The following ARID2 variants were observed in gnomAD, a reference collection of about 807,000 sequenced individuals.
ARID2 encodes the protein AT-rich interactive domain-containing protein 2.
In ARID2, 32 loss-of-function variants were observed where a neutral mutation model predicts 184.6. That is an observed-to-expected ratio of 0.17 (90% CI 0.13 to 0.23). The LOEUF (loss-of-function observed/expected upper bound fraction) is 0.23, where lower values mean the gene tolerates loss of function less well. Among genes scored for constraint, ARID2 ranks in the 10% least tolerant of loss-of-function variants. ARID2 has a pLI of 1.00. For synonymous variants in ARID2, 836 were observed against 772.6 expected (o/e 1.08, Z -1.36); for missense variants, 1,696 against 2,197.6 (o/e 0.77, Z 4.56).
In ARID2 at chr12:45,907,826, G is replaced by A. The variant is rs1944550453; in HGVS notation, c.*2748G>A. On this transcript the variant is annotated 3_prime_UTR_variant, in exon 21 of 21. Coordinates refer to ENST00000334344, the MANE Select transcript of ARID2 (RefSeq NM_152641.4). ...ATTCTGTGTTATATATGTGCCTAGT[G>A]CTCTGTTGGCACTCAATAAATTTTA... 4.3e-6 allele frequency: 1 copy of A among 231,902 alleles called. No homozygotes were observed. The highest frequency in any genetic ancestry group is 8.5e-6 in the Non-Finnish European group (1 of 117,176). 14.4% of individuals were successfully genotyped at this position (231,902 alleles called of 1,614,324 possible).
At chr12:45,799,974 C>T (rs1046190424) in intron 3 of ARID2, among the ~76,000 whole-genome samples, 6 of 152,066 alleles carry the variant, frequency 3.9e-5, no homozygotes, top group African/African-American at 9.7e-5. Context: ...CTTAGCCCTC[C>T]GAGTAGCTGG....
chr12:45,775,575 A>C (rs560874203), intron 3 of ARID2, among the ~76,000 whole-genome samples: 17 of 152,238 alleles, frequency 1.1e-4, no homozygotes, highest in Non-Finnish European at 2.2e-4. Context: ...AGGGAGAATA[A>C]CATTACAAAG....
In ARID2 at chr12:45,782,310, A is replaced by G. The variant is rs900147764; in HGVS notation, c.285-29108A>G. On this transcript the variant is annotated intron_variant, in intron 3 of 20. Coordinates refer to ENST00000334344, the MANE Select transcript of ARID2 (RefSeq NM_152641.4). ...GAGATTAAAAAAATGAGAAACCTGT[A>G]AAGTAAAACTAATACTAATAAATTT... Among the ~76,000 whole-genome samples, 4 of 152,288 alleles carry G rather than the reference A, an allele frequency of 2.6e-5. No individual in the cohort carries two copies. The South Asian group carries it at 8.3e-4, about 32-fold the overall frequency.
At chr12:45,749,207 G>A (rs572258118) in intron 3 of ARID2, among the ~76,000 whole-genome samples, 1 of 152,348 alleles carries the variant, frequency 6.6e-6, no homozygotes, top group South Asian at 2.1e-4. Context: ...TAGAATGGAT[G>A]TTGTGTCAGC....
chr12:45,762,459 C>T (rs1941700890), intron 3 of ARID2, among the ~76,000 whole-genome samples: 1 of 152,202 alleles, frequency 6.6e-6, no homozygotes, highest in Admixed American at 6.5e-5. Flanking sequence ...GTAGTGATAG[C>T]ATAGGCAATA....
At chr12:45,865,946 A>T (rs1019142475) in intron 16 of ARID2, among the ~76,000 whole-genome samples, 1 of 152,150 alleles carries the variant, frequency 6.6e-6, no homozygotes, top group African/African-American at 2.4e-5. Context: ...TTATATTTCT[A>T]GCTTTTAAAA....
intron 20 of ARID2, among the ~76,000 whole-genome samples, chr12:45,903,308 T>C (rs1944481689): frequency 2.0e-5 from 3 of 152,186 alleles, no homozygotes; most frequent in Admixed American, 1.3e-4. Context: ...TTCTAAACCA[T>C]ATTCTGTTTT....
In ARID2 at chr12:45,904,928, TTG is replaced by T; in HGVS notation, c.5364-5_5364-4del. The T allele has an allele frequency of 6.2e-7, 1 of 1,612,616 alleles. No homozygotes were observed. Among genetic ancestry groups the T allele is most frequent in the South Asian group, 1.1e-5 (1 of 90,680 alleles). On this transcript the variant is annotated splice_region_variant and splice_polypyrimidine_tract_variant and intron_variant, in intron 20 of 20. Transcript: ENST00000334344. ...GACTGACAATCTTCTATATGTTTTT[TTG>T]CAGATTGTTAAAGAGACATGAAAAT...
In ARID2 at chr12:45,907,929, T is replaced by G. The variant is rs1316595705; in HGVS notation, c.*2851T>G. ...AGTCAGGATTGTGACTATATATTAATGAGACTCAGTAATCCAACCCACACC... is the reference window on the plus strand; with the variant it reads ...AGTCAGGATTGTGACTATATATTAAGGAGACTCAGTAATCCAACCCACACC... On this transcript the variant is annotated 3_prime_UTR_variant, in exon 21 of 21. Coordinates refer to ENST00000334344, the MANE Select transcript of ARID2 (RefSeq NM_152641.4). 1 of 231,502 alleles carries G rather than the reference T, an allele frequency of 4.3e-6. No homozygotes were observed. The highest frequency in any genetic ancestry group is 8.5e-6 in the Non-Finnish European group (1 of 117,026). 14.3% of individuals were successfully genotyped at this position (231,502 alleles called of 1,614,324 possible).
chr12:45,847,261 A>G (rs562763302), intron 12 of ARID2, among the ~76,000 whole-genome samples: 1 of 152,250 alleles, frequency 6.6e-6, no homozygotes, highest in Admixed American at 6.5e-5. Flanking sequence ...GTCAGGTTAC[A>G]AAATTTGTTC....
At chr12:45,855,466 A>G (rs1002958506) in intron 15 of ARID2, among the ~76,000 whole-genome samples, 3 of 152,246 alleles carry the variant, frequency 2.0e-5, no homozygotes, top group East Asian at 1.9e-4. Flanking sequence ...TAACAAAAAC[A>G]GCATTCTTAT....
chr12:45,836,289 A>T (rs1943219417), intron 6 of ARID2, among the ~76,000 whole-genome samples: 1 of 152,224 alleles, frequency 6.6e-6, no homozygotes, highest in South Asian at 2.1e-4. Flanking sequence ...AGCTCCCTGC[A>T]GCCTTCAATT....
chr12:45,749,180 C>T (rs1941414322), intron 3 of ARID2, among the ~76,000 whole-genome samples: 1 of 152,210 alleles, frequency 6.6e-6, no homozygotes, highest in Non-Finnish European at 1.5e-5. Context: ...CAAAATGACT[C>T]CTTGTTCCAT....
intron 3 of ARID2, among the ~76,000 whole-genome samples, chr12:45,738,071 A>G (rs1477741595): frequency 6.6e-6 from 1 of 152,134 alleles, no homozygotes; most frequent in Non-Finnish European, 1.5e-5. Flanking sequence ...CTTTCTTTAC[A>G]TATATGTATG....
intron 20 of ARID2, among the ~76,000 whole-genome samples, chr12:45,895,358 C>A (rs964695994): frequency 5.3e-5 from 8 of 152,168 alleles, no homozygotes; most frequent in Admixed American, 4.6e-4. Flanking sequence ...AGTACATATT[C>A]CCTAATGCCC....
chr12:45,778,171 G>T (rs1026375212), intron 3 of ARID2, among the ~76,000 whole-genome samples: 3 of 151,906 alleles, frequency 2.0e-5, no homozygotes, highest in African/African-American at 7.3e-5. Context: ...GCGCCATTGC[G>T]CTCCAGCCTG....
rs1405543048 is a variant in ARID2, at chr12:45,775,690, A to G, written c.285-35728A>G. On this transcript the variant is annotated intron_variant, in intron 3 of 20. Coordinates refer to ENST00000334344, the MANE Select transcript of ARID2 (RefSeq NM_152641.4). ...ATGAGCTAAGTAGTTTGGTGAAGTC[A>G]TGATTCCACTTTAGGTATGCTCTAA... 2.6e-5 allele frequency among the ~76,000 whole-genome samples: 4 copies of G among 152,222 alleles called. No homozygotes were observed. The East Asian group carries it at 7.7e-4, about 29-fold the overall frequency.
chr12:45,833,967 G>A (rs887473328), intron 6 of ARID2, among the ~76,000 whole-genome samples: 21 of 152,078 alleles, frequency 1.4e-4, no homozygotes, highest in Admixed American at 2.6e-4. Context: ...CCTTAGCTTT[G>A]CTGTGCTCTG....
intron 3 of ARID2, among the ~76,000 whole-genome samples, chr12:45,763,469 C>CA (rs879682399): frequency 8.6e-4 from 111 of 128,450 alleles, no homozygotes; most frequent in Middle Eastern, 4.0e-3. Flanking sequence ...GACTCAGACT[C>CA]AAAAAAAAAA....
Sources: allele counts gnomAD v4.1 joint callset (sites outside exome capture counted in the v4.1 genomes callset), GRCh38; gene constraint gnomAD v4.1.1; transcripts MANE v1.5; gene names NCBI Gene and HGNC (gene_info 2026-07-23, HGNC 2026-07-21).